The following IGF2BP3 variants were observed in gnomAD, a reference collection of about 807,000 sequenced individuals.
IGF2BP3 encodes the protein insulin like growth factor 2 mRNA binding protein 3.
In IGF2BP3, 9 loss-of-function variants were observed where a neutral mutation model predicts 73.8. The ratio of observed to expected loss-of-function variants is 0.12; its 90% CI spans 0.07 to 0.21. The LOEUF (loss-of-function observed/expected upper bound fraction) is 0.21. Among genes scored for constraint, IGF2BP3 ranks in the 10% least tolerant of loss-of-function variants. IGF2BP3 has a pLI of 1.00. For missense variants in IGF2BP3, 542 were observed against 714.0 expected (o/e 0.76, Z 2.75); for synonymous variants, 258 against 256.7 (o/e 1.01, Z -0.05).
intron 12 of IGF2BP3, among the ~76,000 whole-genome samples, chr7:23,316,832 G>C (rs1005163525): frequency 6.6e-6 from 1 of 152,168 alleles, no homozygotes; most frequent in Non-Finnish European, 1.5e-5. Context: ...AATTTGGCAT[G>C]GTCTTAGTCT....
At chr7:23,439,313 G>A (rs191353061) in intron 2 of IGF2BP3, among the ~76,000 whole-genome samples, 1 of 152,156 alleles carries the variant, frequency 6.6e-6, no homozygotes, top group East Asian at 1.9e-4. Context: ...AGCACTTTGG[G>A]ACGCCGAGGT....
At chr7:23,366,471 C>T (rs1295494194) in intron 3 of IGF2BP3, among the ~76,000 whole-genome samples, 1 of 150,432 alleles carries the variant, frequency 6.6e-6, no homozygotes, top group Non-Finnish European at 1.5e-5. Context: ...CTAGAAACTA[C>T]AATCCTGTGC....
intron 3 of IGF2BP3, among the ~76,000 whole-genome samples, chr7:23,365,165 C>G (rs1785338688): frequency 6.6e-6 from 1 of 150,752 alleles, no homozygotes; most frequent in African/African-American, 2.4e-5. Context: ...GATTCTGTCT[C>G]AAAATAAAAT....
intron 7 of IGF2BP3, 53 bp from the exon 8 acceptor site, chr7:23,346,115 T>TA (rs1272269638): frequency 1.3e-6 from 2 of 1,562,686 alleles, no homozygotes; most frequent in African/African-American, 1.4e-5. Flanking sequence ...TATTCGTGGG[T>TA]AAAAAGACAA....
chr7:23,390,842 A>G (rs1393277422), intron 3 of IGF2BP3, among the ~76,000 whole-genome samples: 1 of 141,464 alleles, frequency 7.1e-6, no homozygotes, highest in East Asian at 2.0e-4. Flanking sequence ...TCTGTTGCCC[A>G]GGCTGGAGTG....
intron 5 of IGF2BP3, among the ~76,000 whole-genome samples, chr7:23,353,657 T>TGC (rs1785021551): frequency 6.6e-6 from 1 of 152,260 alleles, no homozygotes; most frequent in Admixed American, 6.5e-5. Flanking sequence ...TGATGTACAC[T>TGC]GCTCTGTGGC....
intron 2 of IGF2BP3, among the ~76,000 whole-genome samples, chr7:23,432,677 T>C (rs193212379): frequency 2.0e-4 from 31 of 152,008 alleles, no homozygotes; most frequent in Non-Finnish European, 4.0e-4. Context: ...TCTTGCTCTG[T>C]TGCTCAGACT....
At chr7:23,420,236 T>A (rs576368358) in intron 2 of IGF2BP3, among the ~76,000 whole-genome samples, 1 of 152,310 alleles carries the variant, frequency 6.6e-6, no homozygotes, top group South Asian at 2.1e-4. Context: ...CCCAGCACTT[T>A]AGGAGGATCA....
chr7:23,404,376 T>TA (rs1363700499), intron 3 of IGF2BP3, among the ~76,000 whole-genome samples: 1 of 152,094 alleles, frequency 6.6e-6, no homozygotes, highest in Non-Finnish European at 1.5e-5. Context: ...GTAAGCTAAT[T>TA]AAACAATTTC....
At chr7:23,406,920 C>T (rs1760032813) in intron 3 of IGF2BP3, among the ~76,000 whole-genome samples, 1 of 152,226 alleles carries the variant, frequency 6.6e-6, no homozygotes, top group Middle Eastern at 3.4e-3. Context: ...CAAGTCCCCA[C>T]CTGACCCAGA....
At chr7:23,442,943 T>C (rs370225228) in intron 2 of IGF2BP3, among the ~76,000 whole-genome samples, 2 of 152,114 alleles carry the variant, frequency 1.3e-5, no homozygotes, top group African/African-American at 4.8e-5. Context: ...TTATGTTTAA[T>C]CAAACCATTT....
At chr7:23,405,955 T>G (rs954239134) in intron 3 of IGF2BP3, among the ~76,000 whole-genome samples, 1 of 151,484 alleles carries the variant, frequency 6.6e-6, no homozygotes, top group African/African-American at 2.4e-5. Flanking sequence ...GATGGAGCAA[T>G]GGAAATATTA....
chr7:23,432,300 T>C (rs1787703289), intron 2 of IGF2BP3, among the ~76,000 whole-genome samples: 1 of 152,192 alleles, frequency 6.6e-6, no homozygotes, highest in South Asian at 2.1e-4. Flanking sequence ...TTTGCTTGCA[T>C]TTACACACTG....
Position 23,397,748 on chromosome 7 carries a change from T to G in IGF2BP3, c.285+21028A>C, listed in dbSNP as rs547240136. Among the ~76,000 whole-genome samples the G allele has an allele frequency of 2.8e-3, 432 of 152,352 alleles. 3 individuals carry two copies. Among genetic ancestry groups the G allele is most frequent in the Admixed American group, 3.5e-3 (54 of 15,306 alleles). ...AGGCTGTGGTCCTATTAGCATTTAT[T>G]TGACACTTGAGTGCTGATTACACTG... On this transcript the variant is annotated intron_variant, in intron 3 of 14. Coordinates refer to ENST00000258729, the MANE Select transcript of IGF2BP3 (RefSeq NM_006547.3).
intron 3 of IGF2BP3, among the ~76,000 whole-genome samples, chr7:23,366,613 G>T (rs984592133): frequency 6.7e-6 from 1 of 150,302 alleles, no homozygotes; most frequent in East Asian, 1.9e-4. Flanking sequence ...GAAGAAATAG[G>T]TGCAGAATCA....
At chr7:23,321,864 T>C (rs1409687806) in intron 10 of IGF2BP3, among the ~76,000 whole-genome samples, 1 of 152,204 alleles carries the variant, frequency 6.6e-6, no homozygotes, top group Non-Finnish European at 1.5e-5. Context: ...CTGAGGGTCC[T>C]GTCTGTTAGA....
intron 2 of IGF2BP3, among the ~76,000 whole-genome samples, chr7:23,422,648 T>C (rs895126052): frequency 6.6e-6 from 1 of 152,222 alleles, no homozygotes; most frequent in South Asian, 2.1e-4. Flanking sequence ...CTACCCACTC[T>C]TCAAAATTTA....
intron 12 of IGF2BP3, among the ~76,000 whole-genome samples, 177 bp downstream of exon 12, chr7:23,317,456 CTTAAAA>C (rs1467939985): frequency 1.3e-5 from 2 of 152,184 alleles, no homozygotes; most frequent in Non-Finnish European, 2.9e-5. Context: ...GTACAGAACT[CTTAAAA>C]TTAAAGACTT....
In IGF2BP3 at chr7:23,470,138, T is replaced by A. The variant is rs1029954946; in HGVS notation, c.-28A>T. 4 of 1,554,490 alleles carry A rather than the reference T, an allele frequency of 2.6e-6. No homozygotes were observed. The highest frequency in any genetic ancestry group is 1.4e-5 in the African/African-American group (1 of 70,372). On this transcript the variant is annotated 5_prime_UTR_variant, in exon 1 of 15. Transcript: ENST00000258729. ...TGAAGAGTGGTTGTTTAAAAAAAAATAACGAGAAAAAACGAAAAATTAAAA... is the reference window on the plus strand; with the variant it reads ...TGAAGAGTGGTTGTTTAAAAAAAAAAAACGAGAAAAAACGAAAAATTAAAA...
Sources: allele counts gnomAD v4.1 joint callset (sites outside exome capture counted in the v4.1 genomes callset), GRCh38; gene constraint gnomAD v4.1.1; transcripts MANE v1.5; gene names NCBI Gene and HGNC (gene_info 2026-07-23, HGNC 2026-07-21).